Variants in SNAP47 observed in about 807,000 individuals in gnomAD.
The protein encoded by SNAP47 is synaptosomal-associated protein 47.
Under a neutral mutation model 31.4 loss-of-function variants are expected in SNAP47, and 20 were observed. The observed-to-expected ratio is 0.64, with a 90% CI of 0.45 to 0.93. SNAP47 has a LOEUF of 0.93. Among genes scored for constraint, SNAP47 ranks in the 40% least tolerant of loss-of-function variants. The pLI is 0.00. For synonymous variants in SNAP47, 194 were observed against 213.4 expected, an observed-to-expected ratio of 0.91 and a Z score of 0.79; for missense variants, 492 against 528.5, an observed-to-expected ratio of 0.93 and a Z score of 0.68.
In SNAP47 at chr1:227,759,260, G is replaced by A. The variant is rs778874565; in HGVS notation, c.763G>A (p.Val255Met). ...CATGCACAGGTTTGAAAGAGAAGACGTGGACGACATCAAGGTCCACTCACC... is the reference window on the plus strand; with the variant it reads ...CATGCACAGGTTTGAAAGAGAAGACATGGACGACATCAAGGTCCACTCACC... ...LLMHRFERED[V>M]DDIKVHSPYE... The change falls in exon 3 of 5, where the codon GTG (valine) becomes ATG (methionine). Residue 255 changes from valine to methionine, a missense_variant. Coordinates refer to ENST00000617596, the MANE Select transcript of SNAP47 (RefSeq NM_053052.4). 48 of 1,614,216 alleles carry A rather than the reference G, an allele frequency of 3.0e-5. No homozygotes were observed. Among genetic ancestry groups the A allele is most frequent in the Non-Finnish European group, 3.7e-5 (44 of 1,180,054 alleles).
At chr1:227,772,739 C>T (rs1045034917) in intron 4 of SNAP47, among the ~76,000 whole-genome samples, 2 of 152,066 alleles carry the variant, frequency 1.3e-5, no homozygotes, top group East Asian at 1.9e-4. Context: ...TGTTTGTGTG[C>T]GGAGTGAGGT....
At chr1:227,735,323 G>A (rs1454729392), upstream of SNAP47, 62 of 1,601,414 alleles carry the variant, frequency 3.9e-5, no homozygotes, top group Non-Finnish European at 5.2e-5. Flanking sequence ...CGCCGGAGCG[G>A]AAACGGTGAG....
At chr1:227,765,368 A>T (rs941917833) in intron 3 of SNAP47, among the ~76,000 whole-genome samples, 1 of 152,116 alleles carries the variant, frequency 6.6e-6, no homozygotes, top group African/African-American at 2.4e-5. Flanking sequence ...CCACCCTGTG[A>T]TCTCAGGTCA....
intron 1 of SNAP47, 24 bp from the exon 2 acceptor site, chr1:227,747,668 A>G (rs1464244417): frequency 6.4e-7 from 1 of 1,561,786 alleles, no homozygotes. Context: ...TGACGGCAGA[A>G]CGTTACTGTC....
intron 4 of SNAP47, 134 bp from the exon 5 acceptor site, chr1:227,780,393 C>T (rs1455604508): frequency 2.6e-5 from 34 of 1,318,538 alleles, no homozygotes; most frequent in South Asian, 1.4e-5. Flanking sequence ...TGCCGGCTCC[C>T]TCCTGCTGGC....
chr1:227,743,568 C>T (rs1031785183), intron 1 of SNAP47, among the ~76,000 whole-genome samples: 1 of 152,238 alleles, frequency 6.6e-6, no homozygotes, highest in Non-Finnish European at 1.5e-5. Context: ...CCGGCAGTCC[C>T]AGGCCTTGCA....
chr1:227,764,950 C>T (rs907068254), intron 3 of SNAP47, among the ~76,000 whole-genome samples: 9 of 152,170 alleles, frequency 5.9e-5, no homozygotes, highest in African/African-American at 2.2e-4. Flanking sequence ...TGCTGCATGC[C>T]TGTGTTCTCA....
upstream of SNAP47, chr1:227,732,698 G>A (rs1558181380): frequency 6.2e-7 from 1 of 1,610,128 alleles, no homozygotes; most frequent in South Asian, 1.1e-5. Context: ...GAAGAGGCCA[G>A]TGAGCTAACA....
chr1:227,768,206 A>T, intron 4 of SNAP47: 3 of 882,550 alleles, frequency 3.4e-6, no homozygotes, highest in Non-Finnish European at 4.1e-6. Flanking sequence ...TGTGGCGCAC[A>T]TGCAGTCTCC....
chr1:227,738,167 G>A (rs914310392), intron 1 of SNAP47, among the ~76,000 whole-genome samples: 4 of 152,096 alleles, frequency 2.6e-5, no homozygotes, highest in African/African-American at 9.7e-5. Flanking sequence ...TCAGCCTCCT[G>A]AGTAGCGAAG....
chr1:227,750,080 A>G (rs1205116727), intron 2 of SNAP47, among the ~76,000 whole-genome samples: 1 of 152,210 alleles, frequency 6.6e-6, no homozygotes. Flanking sequence ...TCAGTATTGC[A>G]TGCAGGTTAG....
At chr1:227,733,942 G>C (rs758569837), upstream of SNAP47, 2 of 1,613,810 alleles carry the variant, frequency 1.2e-6, no homozygotes, top group African/African-American at 1.3e-5. Flanking sequence ...CAAAGCGGTA[G>C]TCATCCACAT....
rs1222077913 is a variant in SNAP47, at chr1:227,763,614, T to C, written c.989-3345T>C. On this transcript the variant is annotated intron_variant, in intron 3 of 4. Transcript: ENST00000617596. The surrounding 1 kb of genome is among the most constrained non-coding windows in gnomAD (Gnocchi z 4.2). Reference sequence around the variant, plus strand: ...TTGGGCTGACTGGGGAGCCTGGGGGTACTGCATCAGCTGGCCTGGAGCCTA... The same window carrying C: ...TTGGGCTGACTGGGGAGCCTGGGGGCACTGCATCAGCTGGCCTGGAGCCTA... Among the ~76,000 whole-genome samples, 2 of 152,024 alleles carry C rather than the reference T, an allele frequency of 1.3e-5. No individual in the cohort carries two copies. The highest frequency in any genetic ancestry group is 2.9e-5 in the Non-Finnish European group (2 of 67,986).
chr1:227,747,025 A>G (rs1662007481), intron 1 of SNAP47: 1 of 152,240 alleles, frequency 6.6e-6, no homozygotes, highest in East Asian at 1.9e-4. Context: ...TAGATGTGAA[A>G]ACATGATAGG....
chr1:227,759,544 C>A, intron 3 of SNAP47, 59 bp downstream of exon 3: 1 of 1,570,138 alleles, frequency 6.4e-7, no homozygotes, highest in South Asian at 1.2e-5. Flanking sequence ...CAGGCAGACT[C>A]AGCACGCCTG....
chr1:227,751,530 C>T (rs1662351853), intron 2 of SNAP47, among the ~76,000 whole-genome samples: 3 of 152,134 alleles, frequency 2.0e-5, no homozygotes, highest in South Asian at 2.1e-4. Flanking sequence ...GACTGCAGGT[C>T]GCAGTGTCGG....
intron 3 of SNAP47, 68 bp from the exon 4 acceptor site, chr1:227,766,891 A>T: frequency 6.3e-7 from 1 of 1,595,572 alleles, no homozygotes; most frequent in Non-Finnish European, 8.6e-7. Context: ...ACGCTCTGCC[A>T]TCCAGAGCAC....
intron 4 of SNAP47, among the ~76,000 whole-genome samples, chr1:227,772,276 A>G (rs561032667): frequency 8.5e-4 from 130 of 152,284 alleles, no homozygotes; most frequent in African/African-American, 3.1e-3. Flanking sequence ...GGAGTTAATG[A>G]AATTCACCAC....
chr1:227,736,686 G>GTTTTTTTTTTT (rs112159513), intron 1 of SNAP47, among the ~76,000 whole-genome samples: 3 of 110,920 alleles, frequency 2.7e-5, no homozygotes, highest in Non-Finnish European at 3.7e-5. Flanking sequence ...TTTTGTTTTT[G>GTTTTTTTTTTT]TTTTTTTTTT....
Sources: allele counts gnomAD v4.1 joint callset (sites outside exome capture counted in the v4.1 genomes callset), GRCh38; gene constraint gnomAD v4.1.1; non-coding constraint Gnocchi (gnomAD v3.1); transcripts MANE v1.5; gene names NCBI Gene and HGNC (gene_info 2026-07-23, HGNC 2026-07-21).